Variants in NFXL1 observed in about 807,000 individuals in gnomAD.
NFXL1 encodes the protein nuclear transcription factor, X-box binding like 1, also known as NF-X1-type zinc finger protein NFXL1.
In NFXL1, 66 loss-of-function variants were observed where a neutral mutation model predicts 123.3. The observed-to-expected ratio is 0.54, with a 90% CI of 0.44 to 0.66. The LOEUF (loss-of-function observed/expected upper bound fraction) is 0.66, where lower values mean the gene tolerates loss of function less well. Among genes scored for constraint, NFXL1 ranks in the 30% least tolerant of loss-of-function variants. The probability of loss-of-function intolerance (pLI) is 0.00; values close to 1 mark genes in which losing one functional copy is unlikely to be tolerated. For missense variants in NFXL1, 944 were observed against 1,125.6 expected, an observed-to-expected ratio of 0.84 and a Z score of 2.31; for synonymous variants, 346 against 360.8, an observed-to-expected ratio of 0.96 and a Z score of 0.46.
rs761223435 is a variant in NFXL1, at chr4:47,894,283, C to A, written c.1349G>T (p.Arg450Leu). ...TCRQEVEKHCRCGKHTKRMPC... is the reference protein window; with the variant it reads ...TCRQEVEKHCLCGKHTKRMPC... ...CATTCGTTTTGTATGCTTTCCACAGCGACAATGCTTTTCCACTTCCTGGAA... is the reference window on the plus strand; with the variant it reads ...CATTCGTTTTGTATGCTTTCCACAGAGACAATGCTTTTCCACTTCCTGGAA... Residue 450 changes from arginine (R) to leucine (L), a missense_variant, in exon 11 of 23, where the codon CGC (arginine) becomes CTC (leucine). By Grantham distance (102) the Arg-to-Leu change is moderately radical (BLOSUM62 -2). This residue lies in a region of NFXL1 where 296 missense variants were observed against 395.1 expected (regional missense o/e 0.75). Transcript: ENST00000507489. 10 of 1,591,474 alleles carry A rather than the reference C, an allele frequency of 6.3e-6. No homozygotes were observed. The highest frequency in any genetic ancestry group is 8.6e-6 in the Non-Finnish European group (10 of 1,168,978).
At position 47,847,850 on chromosome 4, in the gene NFXL1, G is replaced by C. The variant is rs1354421242; in HGVS notation, c.*313C>G. 5.4e-6 allele frequency: 1 copy of C among 186,324 alleles called. No individual in the cohort carries two copies. The highest frequency in any genetic ancestry group is 1.1e-5 in the Non-Finnish European group (1 of 90,994). 11.5% of individuals were successfully genotyped at this position (186,324 alleles called of 1,614,324 possible). ...TCTGAATTATTTTTTTAAAAGTGTTGGTTTGAATTATTAAATGAAAAAACT... is the reference window on the plus strand; with the variant it reads ...TCTGAATTATTTTTTTAAAAGTGTTCGTTTGAATTATTAAATGAAAAAACT... On this transcript the variant is annotated 3_prime_UTR_variant, in exon 23 of 23. Transcript: ENST00000507489.
At chr4:47,902,190 T>C (rs536248558) in intron 5 of NFXL1, among the ~76,000 whole-genome samples, 29 of 151,708 alleles carry the variant, frequency 1.9e-4, no homozygotes, top group Middle Eastern at 6.8e-3. Context: ...TCAAAAAAAA[T>C]TAAAATTAAA....
intron 18 of NFXL1, among the ~76,000 whole-genome samples, chr4:47,867,929 G>C (rs1735196164): frequency 1.3e-5 from 2 of 152,298 alleles, no homozygotes; most frequent in South Asian, 4.1e-4. Flanking sequence ...AGCTCTCTTG[G>C]AGAAACTACT....
intron 19 of NFXL1, among the ~76,000 whole-genome samples, chr4:47,862,097 T>C (rs571239310): frequency 1.3e-5 from 2 of 152,342 alleles, no homozygotes; most frequent in South Asian, 2.1e-4. Flanking sequence ...AAAGTGCATC[T>C]TCCCTTTCAG....
chr4:47,854,289 T>C (rs1455578112), intron 20 of NFXL1, among the ~76,000 whole-genome samples: 1 of 151,522 alleles, frequency 6.6e-6, no homozygotes, highest in Non-Finnish European at 1.5e-5. Flanking sequence ...CTTTAGGGAA[T>C]GACAATAGGA....
At chr4:47,875,745 G>A (rs1735708334) in intron 17 of NFXL1, among the ~76,000 whole-genome samples, 1 of 152,084 alleles carries the variant, frequency 6.6e-6, no homozygotes, top group Non-Finnish European at 1.5e-5. Context: ...TAAACAGTCT[G>A]GAGGTAATTA....
chr4:47,870,105 T>C (rs968799330), intron 18 of NFXL1, among the ~76,000 whole-genome samples: 1 of 152,072 alleles, frequency 6.6e-6, no homozygotes. Context: ...AGGAATTCCA[T>C]AAAACCCTCA....
At chr4:47,860,658 C>A (rs1322866187) in intron 19 of NFXL1, among the ~76,000 whole-genome samples, 2 of 152,210 alleles carry the variant, frequency 1.3e-5, no homozygotes, top group Non-Finnish European at 2.9e-5. Flanking sequence ...ATCAGTACAT[C>A]AGAATTTACC....
rs544525646 is a variant in NFXL1, at chr4:47,910,893, C to T, written c.337G>A (p.Asp113Asn). The stretch of plus-strand genomic sequence containing the variant: ...CCCTGTTTTCCTTCAAAATCTTCAT[C>T]TCCTTCTTCAGATGAAGAGCTAAAC... ...EQFSSSSEEG[D>N]EDFEGKQGKI... Residue 113 changes from aspartate to asparagine, a missense_variant, in exon 3 of 23, where the codon GAT (aspartate) becomes AAT (asparagine). Physicochemically the swap from Asp to Asn is conservative, Grantham distance 23 (BLOSUM62 1). This residue lies in a region of NFXL1 where 303 missense variants were observed against 292.1 expected (regional missense o/e 1.04). Coordinates refer to ENST00000507489, the MANE Select transcript of NFXL1 (RefSeq NM_001278624.2). The T allele has an allele frequency of 6.2e-7, 1 of 1,602,872 alleles. No homozygotes were observed. The highest frequency in any genetic ancestry group is 8.5e-7 in the Non-Finnish European group (1 of 1,174,586).
intron 20 of NFXL1, among the ~76,000 whole-genome samples, chr4:47,853,095 C>G (rs1008057579): frequency 6.6e-6 from 1 of 151,796 alleles, no homozygotes; most frequent in African/African-American, 2.4e-5. Flanking sequence ...AAATAAGTAT[C>G]GTGTGTTTAT....
chr4:47,848,458 A>G, intron 22 of NFXL1, 122 bp from the exon 23 acceptor site: 2 of 726,194 alleles, frequency 2.8e-6, no homozygotes, highest in Non-Finnish European at 2.2e-6. Context: ...CAATATATTG[A>G]TTTGATTTTT....
intron 18 of NFXL1, among the ~76,000 whole-genome samples, chr4:47,863,956 A>C (rs1412510947): frequency 6.6e-6 from 1 of 152,104 alleles, no homozygotes; most frequent in Non-Finnish European, 1.5e-5. Flanking sequence ...CTTTCACCAG[A>C]CATAACTGCC....
chr4:47,908,422 CAA>C (rs10712553), intron 3 of NFXL1, among the ~76,000 whole-genome samples: 212 of 144,950 alleles, frequency 1.5e-3, no homozygotes, highest in Admixed American at 1.6e-3. Flanking sequence ...AGACTGTCTC[CAA>C]AAAAAAAAAA....
At position 47,899,138 on chromosome 4, in the gene NFXL1, C is replaced by CAAAAAAAAAAAAAAAAA. The variant is rs3057881; in HGVS notation, c.827-35_827-19dup. 1.6e-6 allele frequency: 2 copies of CAAAAAAAAAAAAAAAAA among 1,212,214 alleles called. No homozygotes were observed. Among genetic ancestry groups the CAAAAAAAAAAAAAAAAA allele is most frequent in the Non-Finnish European group, 2.1e-6 (2 of 930,684 alleles). 75.1% of individuals were successfully genotyped at this position (1,212,214 alleles called of 1,614,324 possible). On this transcript the variant is annotated intron_variant, in intron 6 of 22. Transcript: ENST00000507489. ...GCAGGGACCTAGAATTCAGTAAAAG[C>CAAAAAAAAAAAAAAAAA]AAAAAAAAAAAAAAAAAAAAAATCT...
intron 3 of NFXL1, among the ~76,000 whole-genome samples, chr4:47,905,685 T>C (rs531635348): frequency 7.1e-4 from 91 of 128,762 alleles, no homozygotes; most frequent in African/African-American, 2.7e-3. Flanking sequence ...AAGCAAAGTG[T>C]GAAAGGAAAA....
At chr4:47,906,545 T>C (rs1737572567) in intron 3 of NFXL1, among the ~76,000 whole-genome samples, 1 of 152,150 alleles carries the variant, frequency 6.6e-6, no homozygotes, top group Non-Finnish European at 1.5e-5. Flanking sequence ...TATAAAATTA[T>C]TAAAGACAGT....
At chr4:47,896,430 A>C (rs1227848926) in intron 10 of NFXL1, 93 bp downstream of exon 10, 1 of 978,710 alleles carries the variant, frequency 1.0e-6, no homozygotes, top group East Asian at 2.4e-5. Flanking sequence ...GATGTATATG[A>C]AAATAAGTAA....
intron 2 of NFXL1, among the ~76,000 whole-genome samples, chr4:47,911,893 A>G (rs1313839141): frequency 6.6e-6 from 1 of 152,210 alleles, no homozygotes; most frequent in Admixed American, 6.5e-5. Flanking sequence ...AGGAGCCACA[A>G]ACCTGCAGAA....
chr4:47,899,080 A>G lies in NFXL1; in HGVS notation c.867T>C (p.Cys289=). ...PPCPKMVTTT[C]YCKKAKPIPR... is the part of the protein sequence containing the mutation. ...GGATAGGTTTTGCTTTCTTACAGTAACAAGTAGTTGTGACCATCTTTGGAC... is the reference window on the plus strand; with the variant it reads ...GGATAGGTTTTGCTTTCTTACAGTAGCAAGTAGTTGTGACCATCTTTGGAC... The change falls in exon 7 of 23, where the codon TGT becomes TGC. Residue 289 remains cysteine (C), a synonymous_variant. Coordinates refer to ENST00000507489, the MANE Select transcript of NFXL1 (RefSeq NM_001278624.2). The G allele has an allele frequency of 6.2e-7, 1 of 1,612,622 alleles. No individual in the cohort carries two copies. The highest frequency in any genetic ancestry group is 8.5e-7 in the Non-Finnish European group (1 of 1,179,696).
Sources: gnomAD v4.1 joint callset for allele counts (sites outside exome capture counted in the v4.1 genomes callset) on GRCh38, gnomAD v4.1.1 for gene constraint, gnomAD v4.1.1 regional missense constraint, MANE v1.5 for transcripts, NCBI Gene and HGNC (gene_info 2026-07-23, HGNC 2026-07-21) for gene names.